CENPO: variants seen among roughly 807,000 people sequenced by gnomAD.
CENPO encodes centromeric protein O.
Under a neutral mutation model 36.1 loss-of-function variants are expected in CENPO, and 30 were observed. The observed-to-expected ratio is 0.83, with a 90% confidence interval of 0.62 to 1.13. The LOEUF is 1.13. CENPO is among the 50% of genes most tolerant of loss of function. The pLI is 0.00. For synonymous variants in CENPO, 171 were observed against 142.3 expected (o/e 1.20, Z -1.44); for missense variants, 349 against 357.8 (o/e 0.98, Z 0.20).
intron 7 of CENPO, 86 bp downstream of exon 7, chr2:24,817,927 T>A: frequency 1.8e-6 from 2 of 1,083,360 alleles, no homozygotes; most frequent in Non-Finnish European, 2.7e-6. Flanking sequence ...AACAGACACC[T>A]ACCTGTTCAT....
At chr2:24,815,395 A>C (rs1007549567) in intron 4 of CENPO, 102 bp from the exon 5 acceptor site, 1 of 838,818 alleles carries the variant, frequency 1.2e-6, no homozygotes, top group Admixed American at 2.0e-5. Flanking sequence ...TTTGTGTACA[A>C]AGTGTACATA....
intron 2 of CENPO, among the ~76,000 whole-genome samples, chr2:24,795,508 C>T (rs932396351): frequency 1.3e-5 from 2 of 152,232 alleles, no homozygotes; most frequent in South Asian, 2.1e-4. Flanking sequence ...AACGCTACCC[C>T]CTTGGTGTAG....
chr2:24,795,654 T>C (rs1665866959), intron 2 of CENPO, among the ~76,000 whole-genome samples: 1 of 152,222 alleles, frequency 6.6e-6, no homozygotes, highest in Admixed American at 6.5e-5. Context: ...AATATTGATA[T>C]CTACTGTTTT....
In CENPO at chr2:24,821,418, G is replaced by T; in HGVS notation, c.*2100G>T. On this transcript the variant is annotated 3_prime_UTR_variant, in exon 8 of 8. Coordinates refer to ENST00000380834, the MANE Select transcript of CENPO (RefSeq NM_001322101.2). ...GTGCGTGAACCTCCCCACCCGAATT[G>T]CCTCAGTTGTCCTGAGCCTCATGTC... is the stretch of plus-strand genomic sequence containing the variant. 1 of 1,511,834 alleles carries T rather than the reference G, an allele frequency of 6.6e-7. No individual in the cohort carries two copies. Among genetic ancestry groups the T allele is most frequent in the Non-Finnish European group, 8.9e-7 (1 of 1,117,420 alleles). The allele number at this position is 1,511,834 out of a possible 1,614,324, so 93.7% of individuals were successfully genotyped here. A position where few individuals can be genotyped will look rare whatever the true frequency, so the allele number is the denominator to read the frequency against.
Position 24,822,221 on chromosome 2 carries a change from A to G in CENPO, c.*2903A>G, listed in dbSNP as rs930824419. 6 of 268,932 alleles carry G rather than the reference A, an allele frequency of 2.2e-5. No homozygotes were observed. In the East Asian group the frequency reaches 4.3e-4, roughly 19 times the overall value. The allele number at this position is 268,932 out of a possible 1,614,324, so 16.7% of individuals were successfully genotyped here. A position where few individuals can be genotyped will look rare whatever the true frequency, so the allele number is the denominator to read the frequency against. On this transcript the variant is annotated 3_prime_UTR_variant, in exon 8 of 8. Transcript: ENST00000380834. Reference sequence around the variant, plus strand: ...ATGCTTTCAGTTTCCCTTGTTGACAATTGCTCTCCAGTTCCTATGAAAGCA... The same window carrying G: ...ATGCTTTCAGTTTCCCTTGTTGACAGTTGCTCTCCAGTTCCTATGAAAGCA...
Position 24,815,624 on chromosome 2 carries a change from A to G in CENPO, c.462A>G (p.Ser154=). ...IQKPLRIHHH[S]VPVFIPLEEI... is the part of the protein sequence containing the mutation. ...AACCACTCCGGATACATCACCATTC[A>G]GTCCCAGTCTTCATTCCCCTGGAAG... Residue 154 remains serine (S), a synonymous_variant, in exon 5 of 8, where the codon TCA becomes TCG. Coordinates refer to ENST00000380834, the MANE Select transcript of CENPO (RefSeq NM_001322101.2). The G allele has an allele frequency of 6.2e-7, 1 of 1,614,194 alleles. No homozygotes were observed. Among genetic ancestry groups the G allele is most frequent in the Non-Finnish European group, 8.5e-7 (1 of 1,180,020 alleles).
rs1360613189 is a variant in CENPO at position 24,820,203 on chromosome 2, A to C, written c.*885A>C. 6.3e-6 allele frequency: 8 copies of C among 1,273,642 alleles called. No homozygotes were observed. In the African/African-American group the frequency reaches 9.0e-5, roughly 14 times the overall value. The allele number at this position is 1,273,642 out of a possible 1,614,324, so 78.9% of individuals were successfully genotyped here. The stretch of plus-strand genomic sequence containing the variant: ...GGGCTTTGGGTGGTTGGAGCCGAGC[A>C]CTGATCCATGGGTCCCAAGCAGTAC... On this transcript the variant is annotated 3_prime_UTR_variant, in exon 8 of 8. Transcript: ENST00000380834.
Position 24,820,715 on chromosome 2 carries a change from T to G in CENPO, c.*1397T>G. ...TCTGAGCACGTGCCAGCTGTGCCAC[T>G]GGACATACCTGAATGTTGCCCATGA... is the stretch of plus-strand genomic sequence containing the variant. On this transcript the variant is annotated 3_prime_UTR_variant, in exon 8 of 8. Coordinates refer to ENST00000380834, the MANE Select transcript of CENPO (RefSeq NM_001322101.2). 6.2e-7 allele frequency: 1 copy of G among 1,613,968 alleles called. No individual in the cohort carries two copies. Among genetic ancestry groups the G allele is most frequent in the Non-Finnish European group, 8.5e-7 (1 of 1,179,922 alleles).
At chr2:24,803,601 A>G (rs1334298842) in intron 3 of CENPO, among the ~76,000 whole-genome samples, 1 of 152,228 alleles carries the variant, frequency 6.6e-6, no homozygotes, top group Non-Finnish European at 1.5e-5. Flanking sequence ...GTAGTCATTC[A>G]GGAACAGGTT....
At position 24,820,125 on chromosome 2, in the gene CENPO, AGG is replaced by A; in HGVS notation, c.*811_*812del. 8.3e-7 allele frequency: 1 copy of A among 1,207,042 alleles called. No individual in the cohort carries two copies. Among genetic ancestry groups the A allele is most frequent in the Non-Finnish European group, 1.1e-6 (1 of 935,426 alleles). 74.8% of individuals were successfully genotyped at this position (1,207,042 alleles called of 1,614,324 possible). On this transcript the variant is annotated 3_prime_UTR_variant, in exon 8 of 8. Coordinates refer to ENST00000380834, the MANE Select transcript of CENPO (RefSeq NM_001322101.2). ...GGTTTCTTCTACCACCTGGAGAGGG[AGG>A]GGGAGCAAGAACGTGGCGTTACGGG...
chr2:24,814,681 C>A (rs1010244721), intron 4 of CENPO, 188 bp downstream of exon 4: 2 of 570,584 alleles, frequency 3.5e-6, no homozygotes, highest in Admixed American at 6.0e-5. Flanking sequence ...GGCCTATCTT[C>A]ACCTACAAGA....
chr2:24,802,959 G>A (rs1299846561), intron 3 of CENPO, among the ~76,000 whole-genome samples: 1 of 152,096 alleles, frequency 6.6e-6, no homozygotes, highest in African/African-American at 2.4e-5. Context: ...ATCTGGTCTT[G>A]GACTTTTTTT....
Position 24,817,686 on chromosome 2 carries a change from C to T in CENPO, c.783C>T (p.Ser261=), listed in dbSNP as rs1318817977. 3 of 1,614,120 alleles carry T rather than the reference C, an allele frequency of 1.9e-6. No homozygotes were observed. The highest frequency in any genetic ancestry group is 1.7e-6 in the Non-Finnish European group (2 of 1,180,004). The change falls in exon 7 of 8, where the codon TCC becomes TCT. Residue 261 remains serine (S), a synonymous_variant. Coordinates refer to ENST00000380834, the MANE Select transcript of CENPO (RefSeq NM_001322101.2). The part of the protein sequence containing the change: ...TVTCQGVEVL[S]TSWEEQRASH... Reference sequence around the variant, plus strand: ...TCTTTTTAGGAGTGGAAGTATTATCCACTTCATGGGAGGAGCAACGAGCAT... The same window carrying T: ...TCTTTTTAGGAGTGGAAGTATTATCTACTTCATGGGAGGAGCAACGAGCAT...
chr2:24,799,458 T>C (rs568558695), intron 2 of CENPO, among the ~76,000 whole-genome samples: 3 of 152,288 alleles, frequency 2.0e-5, no homozygotes, highest in Non-Finnish European at 4.4e-5. Flanking sequence ...AGGAGGATCC[T>C]GTTTTACATC....
intron 4 of CENPO, 125 bp downstream of exon 4, chr2:24,814,618 A>C (rs1666855089): frequency 1.7e-6 from 1 of 581,846 alleles, no homozygotes; most frequent in Non-Finnish European, 3.1e-6. Flanking sequence ...TGCCCTCATC[A>C]CTCACACACA....
chr2:24,816,557 T>G, intron 5 of CENPO, 89 bp from the exon 6 acceptor site: 1 of 901,144 alleles, frequency 1.1e-6, no homozygotes, highest in Admixed American at 2.9e-5. Context: ...GATGGGCCTC[T>G]TTTTGGTTGA....
chr2:24,816,444 C>G (rs982729138), intron 5 of CENPO: 2 of 553,180 alleles, frequency 3.6e-6, no homozygotes, highest in African/African-American at 3.9e-5. Flanking sequence ...GCCTATAGGC[C>G]TTTCCAGGCT....
intron 2 of CENPO, among the ~76,000 whole-genome samples, chr2:24,795,835 C>G (rs1182428717): frequency 1.3e-5 from 2 of 152,184 alleles, no homozygotes; most frequent in African/African-American, 4.8e-5. Context: ...TAACTTCCAG[C>G]ACGGTCCTTG....
In CENPO at chr2:24,802,945, A is replaced by G. The variant is rs10439430; in HGVS notation, c.216+3101A>G. Among the ~76,000 whole-genome samples, 679 of 152,226 alleles carry G rather than the reference A, an allele frequency of 4.5e-3. 4 individuals are homozygous for G. Among genetic ancestry groups the G allele is most frequent in the African/African-American group, 0.015 (636 of 41,526 alleles). The stretch of plus-strand genomic sequence containing the variant: ...TACCTCTGGTAGAATTCGGCTGTGA[A>G]TCTATCTGGTCTTGGACTTTTTTTG... On this transcript the variant is annotated intron_variant, in intron 3 of 7. Coordinates refer to ENST00000380834, the MANE Select transcript of CENPO (RefSeq NM_001322101.2).
Sources: allele counts gnomAD v4.1 joint callset (sites outside exome capture counted in the v4.1 genomes callset), GRCh38; gene constraint gnomAD v4.1.1; transcripts MANE v1.5; gene names NCBI Gene and HGNC (gene_info 2026-07-23, HGNC 2026-07-21).